The following ADAMTS17 variants were observed in gnomAD, a reference collection of about 807,000 sequenced individuals.
ADAMTS17 encodes ADAM metallopeptidase with thrombospondin type 1 motif 17.
ADAMTS17 carries 113 observed loss-of-function variants against 141.5 expected under a neutral mutation model. That is an observed-to-expected ratio of 0.80 (90% CI 0.69 to 0.93). The LOEUF is 0.93. Among genes scored for constraint, ADAMTS17 ranks in the 40% least tolerant of loss-of-function variants. The pLI, the probability that ADAMTS17 is intolerant of heterozygous loss-of-function variation, is 0.00. For missense variants in ADAMTS17, 1,659 were observed against 1,517.9 expected (o/e 1.09, Z -1.54); for synonymous variants, 768 against 630.6 (o/e 1.22, Z -3.27).
rs768061518 is a variant in ADAMTS17, at chr15:100,107,110, G to A, written c.2016+1879C>T. 2.6e-5 allele frequency among the ~76,000 whole-genome samples: 4 copies of A among 152,312 alleles called. No individual in the cohort carries two copies. The South Asian group carries it at 8.3e-4, about 32-fold the overall frequency. ...GTTTCAGACTGATTTGGCCTTAGCAGGAAAAAGCATCTGTTTGGGTGGAAA... is the reference window on the plus strand; with the variant it reads ...GTTTCAGACTGATTTGGCCTTAGCAAGAAAAAGCATCTGTTTGGGTGGAAA... On this transcript the variant is annotated intron_variant, in intron 14 of 21. Coordinates refer to ENST00000268070, the MANE Select transcript of ADAMTS17 (RefSeq NM_139057.4).
chr15:100,201,721 G>T (rs529673723), intron 7 of ADAMTS17, among the ~76,000 whole-genome samples: 1 of 151,580 alleles, frequency 6.6e-6, no homozygotes, highest in Non-Finnish European at 1.5e-5. Flanking sequence ...ATGGTTTTGT[G>T]GCCACGTGGA....
chr15:100,023,449 G>A (rs919849313), intron 18 of ADAMTS17, among the ~76,000 whole-genome samples: 1 of 151,938 alleles, frequency 6.6e-6, no homozygotes, highest in African/African-American at 2.4e-5. Context: ...TAGGTGATCT[G>A]CCTGCCTCGG....
chr15:100,127,093 G>A (rs1051710396), intron 12 of ADAMTS17, among the ~76,000 whole-genome samples: 13 of 152,146 alleles, frequency 8.5e-5, no homozygotes, highest in African/African-American at 3.1e-4. Context: ...AGGGTCCTGG[G>A]GTTAGAATGC....
At chr15:100,105,196 A>C (rs2036339929) in intron 14 of ADAMTS17, among the ~76,000 whole-genome samples, 1 of 152,216 alleles carries the variant, frequency 6.6e-6, no homozygotes, top group South Asian at 2.1e-4. Context: ...GCAGCGGGTT[A>C]CCAGGGTGCA....
At position 100,081,132 on chromosome 15, in the gene ADAMTS17, GC is replaced by G. The variant is rs576235153; in HGVS notation, c.2137+15223del. On this transcript the variant is annotated intron_variant, in intron 15 of 21. Transcript: ENST00000268070. ...TCTGGTGGGCACAATCTAATCAGCTGCCAGCAAATACAAAGCAGGCAGAAAA... is the reference window on the plus strand; with the variant it reads ...TCTGGTGGGCACAATCTAATCAGCTGCAGCAAATACAAAGCAGGCAGAAAA... Among the ~76,000 whole-genome samples, 480 of 152,198 alleles carry G rather than the reference GC, an allele frequency of 3.2e-3. 3 individuals carry two copies. Among genetic ancestry groups the G allele is most frequent in the Non-Finnish European group, 5.3e-3 (358 of 68,042 alleles).
chr15:99,985,369 T>TGC (rs748851375), intron 20 of ADAMTS17, among the ~76,000 whole-genome samples: 5 of 152,236 alleles, frequency 3.3e-5, no homozygotes, highest in African/African-American at 4.8e-5. Context: ...GGGTCCCCAG[T>TGC]GCCTTGTGCA....
At chr15:100,066,444 AT>A (rs528882379) in intron 15 of ADAMTS17, among the ~76,000 whole-genome samples, 133 of 151,604 alleles carry the variant, frequency 8.8e-4, no homozygotes, top group African/African-American at 3.0e-3. Flanking sequence ...AACATTTATC[AT>A]TTTTTTCTCA....
chr15:99,993,763 G>A lies in ADAMTS17; in HGVS notation c.2797-563C>T, dbSNP rs1212077185. Among the ~76,000 whole-genome samples the A allele has an allele frequency of 6.6e-6, 1 of 152,226 alleles. No homozygotes were observed. Among genetic ancestry groups the A allele is most frequent in the Non-Finnish European group, 1.5e-5 (1 of 68,032 alleles). ...CTCGTGAGGCAGGTGGAAAGCCTTT[G>A]CAGAGAGCTCCAGTGAATGTCTGAA... On this transcript the variant is annotated intron_variant, in intron 19 of 21. Transcript: ENST00000268070. The surrounding 1 kb of genome is among the most constrained non-coding windows in gnomAD (Gnocchi z 4.3).
At chr15:100,203,992 G>A (rs1340604858) in intron 7 of ADAMTS17, among the ~76,000 whole-genome samples, 1 of 152,036 alleles carries the variant, frequency 6.6e-6, no homozygotes, top group Admixed American at 6.5e-5. Flanking sequence ...CACTAGCTCT[G>A]TGACCCATCT....
chr15:100,220,718 C>T (rs1265856656), intron 7 of ADAMTS17, among the ~76,000 whole-genome samples: 1 of 152,206 alleles, frequency 6.6e-6, no homozygotes, highest in Admixed American at 6.5e-5. Context: ...TCTACTTTGT[C>T]TCTGTGCACT....
intron 2 of ADAMTS17, 100 bp downstream of exon 2, chr15:100,340,939 C>A (rs2046345162): frequency 1.3e-6 from 2 of 1,488,368 alleles, no homozygotes; most frequent in African/African-American, 2.8e-5. Flanking sequence ...CCCCTGGAGG[C>A]TGGACTTCCA....
chr15:100,045,265 A>AT (rs1398750514), intron 18 of ADAMTS17, among the ~76,000 whole-genome samples: 1 of 152,206 alleles, frequency 6.6e-6, no homozygotes, highest in Non-Finnish European at 1.5e-5. Context: ...AATCTTAAAT[A>AT]TTTTATAAAA....
chr15:100,181,460 G>A (rs969276846), intron 8 of ADAMTS17, among the ~76,000 whole-genome samples: 1 of 152,200 alleles, frequency 6.6e-6, no homozygotes, highest in African/African-American at 2.4e-5. Context: ...CTAAGCCAAG[G>A]CCCATGGCAT....
chr15:100,226,018 C>T (rs1479018865), intron 7 of ADAMTS17, among the ~76,000 whole-genome samples: 1 of 151,138 alleles, frequency 6.6e-6, no homozygotes, highest in East Asian at 1.9e-4. Context: ...CCATTCAGTC[C>T]TTATAGCAGT....
intron 8 of ADAMTS17, among the ~76,000 whole-genome samples, chr15:100,175,269 C>G (rs2040297193): frequency 6.6e-6 from 1 of 152,194 alleles, no homozygotes; most frequent in African/African-American, 2.4e-5. Flanking sequence ...CCAAATTTGG[C>G]AACCAACAGA....
intron 20 of ADAMTS17, among the ~76,000 whole-genome samples, chr15:99,986,976 C>G (rs1007564495): frequency 6.6e-6 from 1 of 152,222 alleles, no homozygotes; most frequent in African/African-American, 2.4e-5. Flanking sequence ...ATACACGACC[C>G]TGGTTAGGGT....
intron 18 of ADAMTS17, among the ~76,000 whole-genome samples, chr15:100,037,377 T>C (rs1445726186): frequency 6.6e-6 from 1 of 152,206 alleles, no homozygotes; most frequent in Non-Finnish European, 1.5e-5. Flanking sequence ...ATCTTATTAT[T>C]GAGCTGTAGT....
intron 14 of ADAMTS17, among the ~76,000 whole-genome samples, 187 bp downstream of exon 14, chr15:100,108,802 G>A (rs747437939): frequency 6.6e-5 from 10 of 152,210 alleles, no homozygotes; most frequent in Admixed American, 5.9e-4. Flanking sequence ...CTAGCACTCA[G>A]TCATTACTGA....
chr15:100,192,194 C>G (rs1442333979), intron 8 of ADAMTS17, among the ~76,000 whole-genome samples: 2 of 152,234 alleles, frequency 1.3e-5, no homozygotes, highest in African/African-American at 4.8e-5. Flanking sequence ...GGAATCACTC[C>G]AAGCTCCGCT....
Sources: gnomAD v4.1 joint callset for allele counts (sites outside exome capture counted in the v4.1 genomes callset) on GRCh38, gnomAD v4.1.1 for gene constraint, Gnocchi (gnomAD v3.1) non-coding constraint, MANE v1.5 for transcripts, NCBI Gene and HGNC (gene_info 2026-07-23, HGNC 2026-07-21) for gene names.